The following ASCC3 variants were observed in gnomAD, a reference collection of about 807,000 sequenced individuals.
ASCC3 encodes ASC-1 complex subunit P200.
ASCC3 carries 158 observed loss-of-function variants against 256.3 expected under a neutral mutation model. That is an observed-to-expected ratio of 0.62 (90% CI 0.54 to 0.70). ASCC3 has a LOEUF of 0.70. Ranked by LOEUF, ASCC3 falls within the 30% of genes least tolerant of loss-of-function variation. The pLI is 0.00. For synonymous variants in ASCC3, 948 were observed against 883.4 expected (o/e 1.07, Z -1.30); for missense variants, 2,259 against 2,626.0 (o/e 0.86, Z 3.05).
chr6:100,722,219 C>A (rs1779375284), intron 11 of ASCC3, among the ~76,000 whole-genome samples: 1 of 151,798 alleles, frequency 6.6e-6, no homozygotes, highest in South Asian at 2.1e-4. Context: ...CAGTACCATG[C>A]TGTTTTGGTT....
rs765006481 is a variant in ASCC3, at chr6:100,516,286, C to T, written c.5969G>A (p.Arg1990Gln). 22 of 1,613,624 alleles carry T rather than the reference C, an allele frequency of 1.4e-5. No homozygotes were observed. The East Asian group carries it at 1.6e-4, about 11-fold the overall frequency. Residue 1990 changes from arginine to glutamine, a missense_variant, in exon 39 of 42, where the codon CGG becomes CAG. Arg to Gln is a conservative substitution (Grantham distance 43). Transcript: ENST00000369162. ...TTCAGGAAGGGACTCGATGGAGGTCCGACCCCTAGCATGTGGGCCCTTCAT... is the reference window on the plus strand; with the variant it reads ...TTCAGGAAGGGACTCGATGGAGGTCTGACCCCTAGCATGTGGGCCCTTCAT... Reference protein sequence around the residue: ...PIMKGPHARGRTSIESLPELI... With the variant: ...PIMKGPHARGQTSIESLPELI...
intron 14 of ASCC3, among the ~76,000 whole-genome samples, chr6:100,670,822 G>A (rs13215714): frequency 0.14 from 21,325 of 151,866 alleles, 1,695 homozygotes; most frequent in South Asian, 0.33. Context: ...TCACTGCTAC[G>A]AATTTTTCTA....
intron 36 of ASCC3, among the ~76,000 whole-genome samples, chr6:100,557,278 T>C (rs1269570398): frequency 6.6e-6 from 1 of 152,186 alleles, no homozygotes; most frequent in African/African-American, 2.4e-5. Flanking sequence ...CGCAGGCATA[T>C]ACAGCTACGA....
At chr6:100,785,074 T>A (rs1408900892) in intron 8 of ASCC3, among the ~76,000 whole-genome samples, 1 of 152,158 alleles carries the variant, frequency 6.6e-6, no homozygotes, top group Non-Finnish European at 1.5e-5. Flanking sequence ...TGGACACTGT[T>A]ATTTTCTCTT....
chr6:100,655,267 C>T (rs1775862807), intron 17 of ASCC3, among the ~76,000 whole-genome samples: 1 of 151,750 alleles, frequency 6.6e-6, no homozygotes. Flanking sequence ...AAGATAGTAA[C>T]TCCTTAATGG....
intron 13 of ASCC3, among the ~76,000 whole-genome samples, chr6:100,681,738 A>AAAAG (rs1424796358): frequency 6.6e-6 from 1 of 150,962 alleles, no homozygotes; most frequent in Non-Finnish European, 1.5e-5. Context: ...AAAAAAAAAA[A>AAAAG]AAAAAAAAAG....
At chr6:100,611,567 T>A (rs1773398026) in intron 30 of ASCC3, among the ~76,000 whole-genome samples, 1 of 152,164 alleles carries the variant, frequency 6.6e-6, no homozygotes, top group South Asian at 2.1e-4. Flanking sequence ...ACAAAGATTA[T>A]CACATTTAAT....
rs143932758 is a variant in ASCC3, at chr6:100,786,189, A to G, written c.1395+12524T>C. On this transcript the variant is annotated intron_variant, in intron 8 of 41. Transcript: ENST00000369162. ...TGTACATCTGGGTTTTCACCAGCAC[A>G]CTCTTAACAATAACTCAACATGTCA... is the stretch of plus-strand genomic sequence containing the variant. Among the ~76,000 whole-genome samples, 60 of 152,210 alleles carry G rather than the reference A, an allele frequency of 3.9e-4. 1 individual carries two copies. The highest frequency in any genetic ancestry group is 1.4e-3 in the African/African-American group (59 of 41,532).
Position 100,652,455 on chromosome 6 carries a change from C to T in ASCC3, c.2988+270G>A, listed in dbSNP as rs80257450. On this transcript the variant is annotated intron_variant, in intron 18 of 41. Coordinates refer to ENST00000369162, the MANE Select transcript of ASCC3 (RefSeq NM_006828.4). ...AGCACATGAGGTGTTTTCTGAAAAC[C>T]GTTACATGTAAAAGCAAATGTGCCT... Among the ~76,000 whole-genome samples, 783 of 152,092 alleles carry T rather than the reference C, an allele frequency of 5.1e-3. 6 individuals are homozygous for T. Among genetic ancestry groups the T allele is most frequent in the African/African-American group, 0.018 (752 of 41,514 alleles).
intron 24 of ASCC3, 53 bp downstream of exon 24, chr6:100,642,528 A>T: frequency 6.3e-7 from 1 of 1,587,254 alleles, no homozygotes; most frequent in Non-Finnish European, 8.7e-7. Flanking sequence ...AACATTAATT[A>T]AAACAACCAT....
chr6:100,732,225 A>C (rs960793032), intron 10 of ASCC3, among the ~76,000 whole-genome samples: 9 of 152,044 alleles, frequency 5.9e-5, no homozygotes, highest in African/African-American at 1.9e-4. Flanking sequence ...TACACCTTAA[A>C]TGTGATGAAC....
intron 3 of ASCC3, chr6:100,857,650 A>G (rs1157190969): frequency 6.6e-6 from 1 of 151,936 alleles, no homozygotes; most frequent in Non-Finnish European, 1.5e-5. Context: ...TAAATCAAGT[A>G]TATTTCTATC....
chr6:100,578,411 C>T (rs1770995097), intron 36 of ASCC3, among the ~76,000 whole-genome samples: 1 of 151,902 alleles, frequency 6.6e-6, no homozygotes, highest in South Asian at 2.1e-4. Flanking sequence ...GATCCTCTCC[C>T]TCCTCCCAGC....
intron 36 of ASCC3, among the ~76,000 whole-genome samples, chr6:100,553,848 A>T (rs1769427611): frequency 1.3e-5 from 2 of 152,162 alleles, no homozygotes; most frequent in Non-Finnish European, 2.9e-5. Context: ...CATAAAGTTA[A>T]AAAAGAAAAA....
intron 3 of ASCC3, 87 bp from the exon 4 acceptor site, chr6:100,848,794 C>T: frequency 7.8e-7 from 1 of 1,277,158 alleles, no homozygotes; most frequent in Non-Finnish European, 1.1e-6. Flanking sequence ...AAATATTCTC[C>T]TGAGTAAATC....
intron 34 of ASCC3, among the ~76,000 whole-genome samples, chr6:100,594,411 A>G (rs1350422967): frequency 6.6e-6 from 1 of 152,144 alleles, no homozygotes; most frequent in Admixed American, 6.6e-5. Context: ...GCATTTTAAA[A>G]AATTTTATCA....
intron 10 of ASCC3, among the ~76,000 whole-genome samples, chr6:100,759,723 T>C (rs1040386586): frequency 2.0e-5 from 3 of 152,174 alleles, no homozygotes; most frequent in Admixed American, 2.0e-4. Flanking sequence ...AGGAATAGCA[T>C]TGAATCTATA....
rs1417738154 is a variant in ASCC3, at chr6:100,647,174, ATATTT to A, written c.3478+47_3478+51del. On this transcript the variant is annotated intron_variant, in intron 21 of 41. Coordinates refer to ENST00000369162, the MANE Select transcript of ASCC3 (RefSeq NM_006828.4). ...AATACCTTCTTTTACACCCAGCAACATATTTTATTTGCACAAAACAATACATTCAA... is the reference window on the plus strand; with the variant it reads ...AATACCTTCTTTTACACCCAGCAACATATTTGCACAAAACAATACATTCAA... The A allele has an allele frequency of 2.7e-6, 4 of 1,461,092 alleles. No individual in the cohort carries two copies. The East Asian group carries it at 9.1e-5, about 33-fold the overall frequency. The allele number at this position is 1,461,092 out of a possible 1,614,324, so 90.5% of individuals were successfully genotyped here. A position where few individuals can be genotyped will look rare whatever the true frequency, so the allele number is the denominator to read the frequency against.
At chr6:100,788,802 A>G (rs939185273) in intron 8 of ASCC3, among the ~76,000 whole-genome samples, 1 of 152,034 alleles carries the variant, frequency 6.6e-6, no homozygotes, top group Non-Finnish European at 1.5e-5. Context: ...GACATTTTGG[A>G]AAAGTCAAAA....
Sources: gnomAD v4.1 joint callset for allele counts (sites outside exome capture counted in the v4.1 genomes callset) on GRCh38, gnomAD v4.1.1 for gene constraint, MANE v1.5 for transcripts, NCBI Gene and HGNC (gene_info 2026-07-23, HGNC 2026-07-21) for gene names.